The following IQGAP1 variants were observed in gnomAD, a reference collection of about 807,000 sequenced individuals.
IQGAP1 encodes the protein IQ motif containing GTPase activating protein 1.
IQGAP1 carries 66 observed loss-of-function variants against 215.6 expected under a neutral mutation model. That is an observed-to-expected ratio of 0.31 (90% CI 0.25 to 0.38). IQGAP1 has a LOEUF of 0.38. Among genes scored for constraint, IQGAP1 ranks in the 10% least tolerant of loss-of-function variants. The pLI, the probability that IQGAP1 is intolerant of heterozygous loss-of-function variation, is 1.00. For missense variants in IQGAP1, 1,712 were observed against 1,997.1 expected (o/e 0.86, Z 2.72); for synonymous variants, 772 against 728.7 (o/e 1.06, Z -0.96).
chr15:90,468,637 C>G (rs1000855006), intron 18 of IQGAP1, among the ~76,000 whole-genome samples: 1 of 152,072 alleles, frequency 6.6e-6, no homozygotes, highest in Non-Finnish European at 1.5e-5. Flanking sequence ...TCAAGACAAG[C>G]CTGGGCAACA....
At chr15:90,482,407 C>T (rs1966072164) in intron 28 of IQGAP1, 126 bp downstream of exon 28, 2 of 835,104 alleles carry the variant, frequency 2.4e-6, no homozygotes, top group Middle Eastern at 3.4e-4. Flanking sequence ...TGATTGTGAG[C>T]TTTTGAAAGC....
At chr15:90,442,564 G>C (rs1382451555) in intron 8 of IQGAP1, among the ~76,000 whole-genome samples, 2 of 152,178 alleles carry the variant, frequency 1.3e-5, no homozygotes, top group Admixed American at 1.3e-4. Flanking sequence ...TCATAGAGCA[G>C]GGATTTCAGT....
At position 90,448,612 on chromosome 15, in the gene IQGAP1, A is replaced by G; in HGVS notation, c.953A>G (p.Gln318Arg). ...ALANIDLALE[Q>R]GDALALFRAL... ...GCAAATATCGACCTGGCTTTAGAACAAGGAGATGCACTGGCCTTGTTCAGG... is the reference window on the plus strand; with the variant it reads ...GCAAATATCGACCTGGCTTTAGAACGAGGAGATGCACTGGCCTTGTTCAGG... The change falls in exon 10 of 38, where the codon CAA (glutamine) becomes CGA (arginine). Residue 318 changes from glutamine (Q) to arginine (R), a missense_variant. Gln to Arg is a conservative substitution (Grantham distance 43). Coordinates refer to ENST00000268182, the MANE Select transcript of IQGAP1 (RefSeq NM_003870.4). 6.2e-7 allele frequency: 1 copy of G among 1,601,996 alleles called. No individual in the cohort carries two copies. The highest frequency in any genetic ancestry group is 8.5e-7 in the Non-Finnish European group (1 of 1,174,888).
chr15:90,466,058 C>CA lies in IQGAP1; in HGVS notation c.1835dup (p.Ser613ValfsTer19). ...GGATGAAATTCAAGGTGGAATCTGGCAGTCCAACAAAGACACCCAAGAAGC... is the reference window on the plus strand; with the variant it reads ...GGATGAAATTCAAGGTGGAATCTGGCAAGTCCAACAAAGACACCCAAGAAGC... On this transcript the variant is annotated frameshift_variant, in exon 16 of 38. Coordinates refer to ENST00000268182, the MANE Select transcript of IQGAP1 (RefSeq NM_003870.4). LOFTEE classifies it high-confidence loss of function. 6.2e-7 allele frequency: 1 copy of CA among 1,614,036 alleles called. No individual in the cohort carries two copies. Among genetic ancestry groups the CA allele is most frequent in the Non-Finnish European group, 8.5e-7 (1 of 1,179,948 alleles).
At position 90,467,507 on chromosome 15, in the gene IQGAP1, A is replaced by G; in HGVS notation, c.2093A>G (p.His698Arg). Residue 698 changes from histidine to arginine, a missense_variant, in exon 18 of 38, where the codon CAC becomes CGC. Around this residue, in one of 2 missense-constraint regions of IQGAP1, gnomAD observed 1,021 missense variants for 1,074.2 expected, o/e 0.95. Transcript: ENST00000268182. Reference protein sequence around the residue: ...HWVKGGYYYYHNLETQEGGWD... With the variant: ...HWVKGGYYYYRNLETQEGGWD... ...GTAAAAGGTGGATATTATTATTACC[A>G]CAATCTGGAGACCCAGGAAGGAGGA... 6.2e-7 allele frequency: 1 copy of G among 1,613,366 alleles called. No individual in the cohort carries two copies. The highest frequency in any genetic ancestry group is 2.2e-5 in the East Asian group (1 of 44,802).
At chr15:90,394,672 AC>A (rs1354300842) in intron 2 of IQGAP1, among the ~76,000 whole-genome samples, 1 of 151,356 alleles carries the variant, frequency 6.6e-6, no homozygotes, top group African/African-American at 2.4e-5. Flanking sequence ...TTCCTCCATA[AC>A]CTCCACCCCT....
intron 5 of IQGAP1, among the ~76,000 whole-genome samples, chr15:90,435,897 A>T (rs1965364480): frequency 6.6e-6 from 1 of 152,150 alleles, no homozygotes; most frequent in South Asian, 2.1e-4. Flanking sequence ...GCAACATTTG[A>T]TAATATGTAG....
In IQGAP1 at chr15:90,466,415, A is replaced by G. The variant is rs1218002658; in HGVS notation, c.2014A>G (p.Lys672Glu). ...ETYHSDLAEA[K>E]KKKLAVGDNN... ...TTACCACAGTGATCTTGCTGAAGCC[A>G]AGAAGAAAAAACTGGCAGTAGGTGA... is the stretch of plus-strand genomic sequence containing the variant. The change falls in exon 17 of 38, where the codon AAG becomes GAG. Residue 672 changes from lysine (K) to glutamate (E), a missense_variant. By Grantham distance (56) the Lys-to-Glu change is moderately conservative (BLOSUM62 1). Transcript: ENST00000268182. 1.9e-6 allele frequency: 3 copies of G among 1,614,056 alleles called. No homozygotes were observed. The African/African-American group carries it at 4.0e-5, about 22-fold the overall frequency.
chr15:90,499,967 GTT>G, intron 37 of IQGAP1, 26 bp from the exon 38 acceptor site: 1 of 336,470 alleles, frequency 3.0e-6, no homozygotes, highest in Non-Finnish European at 5.5e-6. Context: ...AAAATGTTTT[GTT>G]TTGTTTTGTT....
At chr15:90,470,241 C>T (rs566842959) in intron 18 of IQGAP1, among the ~76,000 whole-genome samples, 2 of 152,244 alleles carry the variant, frequency 1.3e-5, no homozygotes, top group African/African-American at 4.8e-5. Context: ...TTCACTGATT[C>T]CTTCTTCATT....
intron 37 of IQGAP1, among the ~76,000 whole-genome samples, chr15:90,498,860 A>C (rs1966306660): frequency 6.8e-6 from 1 of 147,268 alleles, no homozygotes; most frequent in African/African-American, 2.5e-5. Context: ...CCCAAGCTGC[A>C]GTGCAATGGC....
At chr15:90,389,150 C>T (rs965092848) in intron 1 of IQGAP1, among the ~76,000 whole-genome samples, 1 of 152,016 alleles carries the variant, frequency 6.6e-6, no homozygotes, top group African/African-American at 2.4e-5. Flanking sequence ...GGTATTGTGC[C>T]ACGTTTGTGA....
chr15:90,456,432 G>C, intron 15 of IQGAP1, 117 bp downstream of exon 15: 3 of 973,410 alleles, frequency 3.1e-6, no homozygotes, highest in Non-Finnish European at 4.5e-6. Context: ...GGCACCCTTA[G>C]ATTCAAAGCA....
intron 16 of IQGAP1, 77 bp from the exon 17 acceptor site, chr15:90,466,192 A>C: frequency 6.4e-7 from 1 of 1,573,184 alleles, no homozygotes; most frequent in Non-Finnish European, 8.7e-7. Flanking sequence ...ATTTGCCAGT[A>C]GATATAGTTA....
At position 90,429,161 on chromosome 15, in the gene IQGAP1, T is replaced by C. The variant is rs1965268361; in HGVS notation, c.313-428T>C. On this transcript the variant is annotated intron_variant, in intron 3 of 37. Coordinates refer to ENST00000268182, the MANE Select transcript of IQGAP1 (RefSeq NM_003870.4). ...AGCCACCGTCCCAGCGTGGTATTTT[T>C]ATACAGCATTTTGTGAACATCTATG... Among the ~76,000 whole-genome samples, 2 of 152,186 alleles carry C rather than the reference T, an allele frequency of 1.3e-5. 1 individual carries two copies. The highest frequency in any genetic ancestry group is 2.9e-5 in the Non-Finnish European group (2 of 68,022).
intron 25 of IQGAP1, 112 bp from the exon 26 acceptor site, chr15:90,477,553 G>T (rs557031887): frequency 1.1e-5 from 9 of 798,878 alleles, no homozygotes; most frequent in African/African-American, 6.9e-5. Context: ...TGTGAGTGCT[G>T]GGGAATGTTT....
intron 36 of IQGAP1, 86 bp downstream of exon 36, chr15:90,494,921 TGGA>T: frequency 1.1e-6 from 1 of 944,752 alleles, no homozygotes. Flanking sequence ...TTCTCTTTTC[TGGA>T]TGGTTACTTT....
chr15:90,426,162 G>A lies in IQGAP1; in HGVS notation c.208G>A (p.Glu70Lys), dbSNP rs984629387. 8 of 1,604,702 alleles carry A rather than the reference G, an allele frequency of 5.0e-6. No individual in the cohort carries two copies. Among genetic ancestry groups the A allele is most frequent in the Non-Finnish European group, 6.8e-6 (8 of 1,176,408 alleles). The change falls in exon 3 of 38, where the codon GAG becomes AAG. Residue 70 changes from glutamate to lysine, a missense_variant. Glu to Lys is a moderately conservative substitution (Grantham distance 56, BLOSUM62 1). Around this residue, in one of 2 missense-constraint regions of IQGAP1, gnomAD observed 1,021 missense variants for 1,074.2 expected, o/e 0.95. Coordinates refer to ENST00000268182, the MANE Select transcript of IQGAP1 (RefSeq NM_003870.4). ...TCTGCCTCCCACCACAGAACTGGAG[G>A]AGGGGCTTAGGAATGGGGTCTACCT... ...EDLPPTTELEEGLRNGVYLAK... is the reference protein window; with the variant it reads ...EDLPPTTELEKGLRNGVYLAK...
At chr15:90,388,601 A>AC (rs929745320) in intron 1 of IQGAP1, among the ~76,000 whole-genome samples, 6 of 151,426 alleles carry the variant, frequency 4.0e-5, no homozygotes, top group Non-Finnish European at 8.9e-5. Context: ...GGCGGAGAGG[A>AC]CCCCCGAGGC....
Sources: allele counts gnomAD v4.1 joint callset (sites outside exome capture counted in the v4.1 genomes callset), GRCh38; gene constraint gnomAD v4.1.1; regional missense constraint gnomAD v4.1.1; transcripts MANE v1.5; gene names NCBI Gene and HGNC (gene_info 2026-07-23, HGNC 2026-07-21).